Variants in DPP10 observed in about 807,000 individuals in gnomAD.
DPP10 encodes the protein inactive dipeptidyl peptidase 10.
In DPP10, 33 loss-of-function variants were observed where a neutral mutation model predicts 120.9. That is an observed-to-expected ratio of 0.27 (90% confidence interval 0.21 to 0.37). The LOEUF is 0.37. Ranked by LOEUF, DPP10 falls within the 10% of genes least tolerant of loss-of-function variation. DPP10 has a pLI of 1.00. For missense variants in DPP10, 816 were observed against 942.8 expected, an observed-to-expected ratio of 0.87 and a Z score of 1.76; for synonymous variants, 337 against 326.1, an observed-to-expected ratio of 1.03 and a Z score of -0.36.
intron 1 of DPP10, among the ~76,000 whole-genome samples, chr2:115,283,735 C>T (rs903984950): frequency 2.6e-5 from 4 of 151,994 alleles, no homozygotes; most frequent in Non-Finnish European, 2.9e-5. Context: ...TCATGTACCA[C>T]GTAACAGTGT....
In DPP10 at chr2:115,254,386, C is replaced by T. The variant is rs577891114; in HGVS notation, c.61-54853C>T. On this transcript the variant is annotated intron_variant, in intron 1 of 25. Coordinates refer to ENST00000410059, the MANE Select transcript of DPP10 (RefSeq NM_020868.6). ...TCAATTTTCTCCACCTGCTCTCTCC[C>T]ATGACACATGAGGATTATGGGAACT... 2.0e-5 allele frequency among the ~76,000 whole-genome samples: 3 copies of T among 152,268 alleles called. No homozygotes were observed. In the South Asian group the frequency reaches 6.2e-4, roughly 32 times the overall value.
At chr2:114,489,604 A>C (rs985519460) in intron 1 of DPP10, among the ~76,000 whole-genome samples, 2 of 152,168 alleles carry the variant, frequency 1.3e-5, no homozygotes, top group Non-Finnish European at 2.9e-5. Context: ...AACACACTGC[A>C]TTTTAGCTTT....
chr2:115,293,553 C>T (rs1404403874), intron 1 of DPP10, among the ~76,000 whole-genome samples: 1 of 151,988 alleles, frequency 6.6e-6, no homozygotes, highest in Non-Finnish European at 1.5e-5. Context: ...CTTTTTTTCA[C>T]TATTACACCA....
chr2:115,832,670 T>C (rs965187612), intron 21 of DPP10, among the ~76,000 whole-genome samples: 2 of 152,194 alleles, frequency 1.3e-5, no homozygotes, highest in African/African-American at 4.8e-5. Flanking sequence ...TTTACAAAAA[T>C]AGTAAAATAT....
At chr2:114,645,611 G>C (rs1696061644) in intron 1 of DPP10, among the ~76,000 whole-genome samples, 1 of 152,048 alleles carries the variant, frequency 6.6e-6, no homozygotes, top group Non-Finnish European at 1.5e-5. Context: ...TTTTGTTTCT[G>C]AGTGTAGTAT....
In DPP10 at chr2:114,911,243, A is replaced by G. The variant is rs116065416; in HGVS notation, c.61-397996A>G. ...TTTTATAAGTGTCTTGAGTATTCTT[A>G]CGGTATCAAGTTGACAAGTACTAGC... On this transcript the variant is annotated intron_variant, in intron 1 of 25. Transcript: ENST00000410059. 9.9e-3 allele frequency among the ~76,000 whole-genome samples: 1,505 copies of G among 152,136 alleles called. 25 individuals are homozygous for G. Among genetic ancestry groups the G allele is most frequent in the African/African-American group, 0.033 (1,389 of 41,480 alleles).
At chr2:115,071,807 T>G (rs1212733346) in intron 1 of DPP10, among the ~76,000 whole-genome samples, 1 of 152,138 alleles carries the variant, frequency 6.6e-6, no homozygotes, top group Non-Finnish European at 1.5e-5. Context: ...TTAAAACATT[T>G]AGAAGCTGAG....
chr2:114,617,787 CTA>C (rs1693787751), intron 1 of DPP10, among the ~76,000 whole-genome samples: 1 of 152,104 alleles, frequency 6.6e-6, no homozygotes. Context: ...TCATTATTTG[CTA>C]TTACATTATG....
intron 11 of DPP10, among the ~76,000 whole-genome samples, chr2:115,761,112 A>T (rs945275932): frequency 4.0e-5 from 6 of 151,596 alleles, no homozygotes; most frequent in African/African-American, 1.5e-4. Flanking sequence ...AAAAAAAAAA[A>T]AAAAAGGCAC....
chr2:115,571,716 GA>G (rs5833612), intron 5 of DPP10, among the ~76,000 whole-genome samples: 146,338 of 148,478 alleles, frequency 0.99, 72,153 homozygotes, highest in East Asian at 1. Context: ...TCTGATTTTA[GA>G]AAAAAATATG....
In DPP10 at chr2:114,971,138, T is replaced by A. The variant is rs538846451; in HGVS notation, c.61-338101T>A. Among the ~76,000 whole-genome samples the A allele has an allele frequency of 5.0e-4, 76 of 152,340 alleles. 1 individual carries two copies. In the South Asian group the frequency reaches 0.015, roughly 30 times the overall value. ...GTTGTGACGCCTCATGTTTTACTAGTGTTATCACATTTAGAGCTTAGGGCG... is the reference window on the plus strand; with the variant it reads ...GTTGTGACGCCTCATGTTTTACTAGAGTTATCACATTTAGAGCTTAGGGCG... On this transcript the variant is annotated intron_variant, in intron 1 of 25. Transcript: ENST00000410059.
intron 12 of DPP10, among the ~76,000 whole-genome samples, chr2:115,764,327 G>C (rs1680465600): frequency 6.6e-6 from 1 of 152,004 alleles, no homozygotes; most frequent in Non-Finnish European, 1.5e-5. Flanking sequence ...GATAGACACA[G>C]ATAAATGTTT....
chr2:115,326,923 G>T (rs962037107), intron 2 of DPP10, among the ~76,000 whole-genome samples: 1 of 151,952 alleles, frequency 6.6e-6, no homozygotes, highest in Admixed American at 6.6e-5. Context: ...ATTTAATGTA[G>T]ACTGTGCAGT....
chr2:115,244,216 G>GTATATA (rs377701662), intron 1 of DPP10, among the ~76,000 whole-genome samples: 120 of 119,802 alleles, frequency 1.0e-3, no homozygotes, highest in Admixed American at 7.4e-3. Flanking sequence ...ATATGTGTGT[G>GTATATA]TATATATATA....
At chr2:115,304,942 G>A (rs1432479580) in intron 1 of DPP10, among the ~76,000 whole-genome samples, 1 of 152,046 alleles carries the variant, frequency 6.6e-6, no homozygotes, top group Admixed American at 6.6e-5. Context: ...GTAATTTGTT[G>A]CTGGTAGATG....
At chr2:114,497,388 TACAC>T (rs778768669) in intron 1 of DPP10, among the ~76,000 whole-genome samples, 28 of 135,482 alleles carry the variant, frequency 2.1e-4, no homozygotes, top group Non-Finnish European at 3.0e-4. Flanking sequence ...TACATATACA[TACAC>T]ATACATATAC....
intron 1 of DPP10, among the ~76,000 whole-genome samples, chr2:115,255,366 G>A (rs1459861852): frequency 1.3e-5 from 2 of 152,164 alleles, no homozygotes. Flanking sequence ...CTTGGCCCAG[G>A]CCCACAAAAC....
chr2:114,607,805 G>T (rs1299650825), intron 1 of DPP10, among the ~76,000 whole-genome samples: 1 of 152,176 alleles, frequency 6.6e-6, no homozygotes. Flanking sequence ...GAGACTTTCA[G>T]ACTCCCACTA....
intron 1 of DPP10, among the ~76,000 whole-genome samples, chr2:114,524,256 A>G (rs938790487): frequency 6.6e-6 from 1 of 152,240 alleles, no homozygotes; most frequent in Non-Finnish European, 1.5e-5. Flanking sequence ...ACAGAATGTC[A>G]GGGAGGCCAG....
Sources: allele counts gnomAD v4.1 joint callset (sites outside exome capture counted in the v4.1 genomes callset), GRCh38; gene constraint gnomAD v4.1.1; transcripts MANE v1.5; gene names NCBI Gene and HGNC (gene_info 2026-07-23, HGNC 2026-07-21).